The following KIF21A variants were observed in gnomAD, a reference collection of about 807,000 sequenced individuals.
KIF21A encodes kinesin family member 21A.
KIF21A carries 114 observed loss-of-function variants against 202.9 expected under a neutral mutation model. The ratio of observed to expected loss-of-function variants is 0.56; its 90% CI spans 0.48 to 0.66. The LOEUF (loss-of-function observed/expected upper bound fraction) is 0.66. Ranked by LOEUF, KIF21A falls within the 30% of genes least tolerant of loss-of-function variation. KIF21A has a pLI of 0.00. For synonymous variants in KIF21A, 667 were observed against 670.8 expected (o/e 0.99, Z 0.09); for missense variants, 1,677 against 1,994.9 (o/e 0.84, Z 3.04).
At chr12:39,372,247 T>G (rs900950914) in intron 1 of KIF21A, among the ~76,000 whole-genome samples, 6 of 152,224 alleles carry the variant, frequency 3.9e-5, no homozygotes, top group African/African-American at 1.4e-4. Flanking sequence ...TTTGTATGCC[T>G]CAAAAATATC....
intron 24 of KIF21A, among the ~76,000 whole-genome samples, chr12:39,326,626 C>T (rs542426957): frequency 3.3e-5 from 5 of 152,072 alleles, no homozygotes; most frequent in Admixed American, 6.6e-5. Flanking sequence ...GAGTCATGTA[C>T]GTATCCTGTA....
intron 1 of KIF21A, among the ~76,000 whole-genome samples, chr12:39,409,846 T>C (rs893350392): frequency 3.3e-5 from 5 of 152,002 alleles, no homozygotes; most frequent in Admixed American, 1.3e-4. Flanking sequence ...TTTTTTTTTT[T>C]TTTTAGACAG....
In KIF21A at chr12:39,397,562, G is replaced by A. The variant is rs551002564; in HGVS notation, c.45-27301C>T. ...CTCTTTTCTCTGCAGCGACTCCCAA[G>A]GCTCCAAGACAGTAGTACTGACATA... On this transcript the variant is annotated intron_variant, in intron 1 of 37. Coordinates refer to ENST00000361418, the MANE Select transcript of KIF21A (RefSeq NM_001173464.2). Among the ~76,000 whole-genome samples the A allele has an allele frequency of 1.4e-4, 21 of 152,212 alleles. No individual in the cohort carries two copies. The South Asian group carries it at 4.4e-3, about 32-fold the overall frequency.
Position 39,333,125 on chromosome 12 carries a change from G to C in KIF21A, c.2488-18C>G, listed in dbSNP as rs79846240. The C allele has an allele frequency of 1.3e-3, 2,084 of 1,610,748 alleles. 29 individuals carry two copies. The African/African-American group carries it at 0.024, about 19-fold the overall frequency. Reference sequence around the variant, plus strand: ...GCCGTAACCTGAAATTGCAGCAAAGGTTGACTCATTCTCTTAGTCTATAGA... The same window carrying C: ...GCCGTAACCTGAAATTGCAGCAAAGCTTGACTCATTCTCTTAGTCTATAGA... On this transcript the variant is annotated intron_variant, in intron 18 of 37. Transcript: ENST00000361418.
At chr12:39,400,891 A>G (rs1284127531) in intron 1 of KIF21A, among the ~76,000 whole-genome samples, 1 of 152,216 alleles carries the variant, frequency 6.6e-6, no homozygotes, top group Admixed American at 6.5e-5. Flanking sequence ...AAAATGACCA[A>G]TTATACCAAA....
intron 1 of KIF21A, among the ~76,000 whole-genome samples, chr12:39,395,649 C>CTG (rs1360533600): frequency 6.6e-6 from 1 of 151,848 alleles, no homozygotes; most frequent in East Asian, 1.9e-4. Flanking sequence ...GGAGACTAGC[C>CTG]TGGCCAACAT....
At chr12:39,396,269 C>G (rs1404107198) in intron 1 of KIF21A, among the ~76,000 whole-genome samples, 1 of 152,182 alleles carries the variant, frequency 6.6e-6, no homozygotes, top group Non-Finnish European at 1.5e-5. Flanking sequence ...TGCTGGCTCT[C>G]TGATTAAAAC....
At chr12:39,334,716 T>C (rs1003191586) in intron 17 of KIF21A, among the ~76,000 whole-genome samples, 21 of 152,134 alleles carry the variant, frequency 1.4e-4, no homozygotes, top group Non-Finnish European at 2.9e-4. Flanking sequence ...CAAGGAACAA[T>C]TTTAAAAGGA....
At chr12:39,335,869 A>G (rs920359538) in intron 17 of KIF21A, among the ~76,000 whole-genome samples, 1 of 152,180 alleles carries the variant, frequency 6.6e-6, no homozygotes, top group African/African-American at 2.4e-5. Context: ...CATAACCAAA[A>G]TAGGGGAGTC....
intron 10 of KIF21A, among the ~76,000 whole-genome samples, chr12:39,354,884 T>C (rs1948649930): frequency 6.6e-6 from 1 of 152,244 alleles, no homozygotes; most frequent in African/African-American, 2.4e-5. Flanking sequence ...AGGTATTATC[T>C]CATTCTTACA....
chr12:39,336,166 G>C (rs542619294), intron 17 of KIF21A, among the ~76,000 whole-genome samples: 2 of 152,040 alleles, frequency 1.3e-5, no homozygotes, highest in African/African-American at 4.8e-5. Context: ...GCAATCCTCC[G>C]GCCTCAGTCT....
At chr12:39,392,869 G>T (rs1191216466) in intron 1 of KIF21A, among the ~76,000 whole-genome samples, 2 of 140,292 alleles carry the variant, frequency 1.4e-5, no homozygotes, top group African/African-American at 5.4e-5. Context: ...CATTTTAAAA[G>T]AAATTTTAAA....
chr12:39,378,806 A>T (rs1220143210), intron 1 of KIF21A, among the ~76,000 whole-genome samples: 1 of 152,208 alleles, frequency 6.6e-6, no homozygotes, highest in Non-Finnish European at 1.5e-5. Context: ...TCAATGAAAT[A>T]TTGTATACAA....
intron 26 of KIF21A, among the ~76,000 whole-genome samples, chr12:39,325,498 A>ATTTTTTTTTTTTTTTTTTT (rs397714587): frequency 3.3e-5 from 4 of 121,472 alleles, no homozygotes; most frequent in African/African-American, 6.9e-5. Context: ...CGCCCAGCTA[A>ATTTTTTTTTTTTTTTTTTT]TTTTTTTTTT....
rs1566266830 is a variant in KIF21A, at chr12:39,416,691, A to ATATATATGTACATATATGTG, written c.44+26235_44+26236insCACATATATGTACATATATA. On this transcript the variant is annotated intron_variant, in intron 1 of 37. Transcript: ENST00000361418. ...TATATGTACATATATATGTGTGTAT[A>ATATATATGTACATATATGTG]TATATATGTACATATATATGTGTGT... Among the ~76,000 whole-genome samples, 18 of 125,952 alleles carry ATATATATGTACATATATGTG rather than the reference A, an allele frequency of 1.4e-4. 3 individuals carry two copies. The highest frequency in any genetic ancestry group is 5.9e-4 in the African/African-American group (18 of 30,378). 82.6% of individuals were successfully genotyped at this position (125,952 alleles called of 152,430 possible).
rs1321174161 is a variant in KIF21A at position 39,416,700 on chromosome 12, TAC to T, written c.44+26225_44+26226del. On this transcript the variant is annotated intron_variant, in intron 1 of 37. Coordinates refer to ENST00000361418, the MANE Select transcript of KIF21A (RefSeq NM_001173464.2). ...ATATATATGTGTGTATATATATATG[TAC>T]ATATATATGTGTGTATATATGTACA... Among the ~76,000 whole-genome samples the T allele has an allele frequency of 5.8e-5, 6 of 103,274 alleles. 1 individual carries two copies. The highest frequency in any genetic ancestry group is 3.1e-4 in the African/African-American group (6 of 19,614). 67.8% of individuals were successfully genotyped at this position (103,274 alleles called of 152,430 possible). A position where few individuals can be genotyped will look rare whatever the true frequency, so the allele number is the denominator to read the frequency against.
intron 12 of KIF21A, 25 bp downstream of exon 12, chr12:39,346,441 T>TA: frequency 6.9e-7 from 1 of 1,447,974 alleles, no homozygotes; most frequent in Non-Finnish European, 9.1e-7. Context: ...GACATTTTAA[T>TA]AAAAAACCTG....
At chr12:39,308,935 T>G (rs367925283) in intron 33 of KIF21A, among the ~76,000 whole-genome samples, 1 of 152,314 alleles carries the variant, frequency 6.6e-6, no homozygotes, top group East Asian at 1.9e-4. Flanking sequence ...TTATGCTCCC[T>G]TCTCTCATTT....
intron 1 of KIF21A, among the ~76,000 whole-genome samples, chr12:39,412,464 C>T (rs543176809): frequency 4.9e-4 from 74 of 152,236 alleles, no homozygotes; most frequent in Non-Finnish European, 9.9e-4. Context: ...TGCCTTTCAT[C>T]CCAGCACTTC....
Sources: gnomAD v4.1 joint callset for allele counts (sites outside exome capture counted in the v4.1 genomes callset) on GRCh38, gnomAD v4.1.1 for gene constraint, MANE v1.5 for transcripts, NCBI Gene and HGNC (gene_info 2026-07-23, HGNC 2026-07-21) for gene names.